The following DOCK2 variants were observed in gnomAD, a reference collection of about 807,000 sequenced individuals.
DOCK2 encodes the protein dedicator of cytokinesis protein 2.
In DOCK2, 87 loss-of-function variants were observed where a neutral mutation model predicts 248.9. The observed-to-expected ratio is 0.35, with a 90% CI of 0.29 to 0.42. DOCK2 has a LOEUF of 0.42. DOCK2 is among the 10% of genes least tolerant of loss of function. DOCK2 has a pLI of 1.00. For missense variants in DOCK2, 1,747 were observed against 2,300.2 expected, an observed-to-expected ratio of 0.76 and a Z score of 4.92; for synonymous variants, 805 against 821.6, an observed-to-expected ratio of 0.98 and a Z score of 0.35.
At chr5:169,744,344 G>A (rs1055476561) in intron 22 of DOCK2, among the ~76,000 whole-genome samples, 1 of 152,172 alleles carries the variant, frequency 6.6e-6, no homozygotes, top group Admixed American at 6.5e-5. Flanking sequence ...TTCCAGTTCA[G>A]TCACATAATA....
At chr5:170,022,526 A>G (rs1360772508) in intron 33 of DOCK2, among the ~76,000 whole-genome samples, 1 of 150,260 alleles carries the variant, frequency 6.7e-6, no homozygotes, top group Admixed American at 6.6e-5. Flanking sequence ...GTCTCTGTCC[A>G]TTGTCTAGGA....
intron 27 of DOCK2, among the ~76,000 whole-genome samples, chr5:169,967,683 AT>A (rs1167647249): frequency 1.3e-5 from 2 of 152,138 alleles, no homozygotes; most frequent in African/African-American, 4.8e-5. Flanking sequence ...AACAGGGAGA[AT>A]TGATTAGAGG....
At chr5:169,923,803 T>C (rs886461412) in intron 27 of DOCK2, among the ~76,000 whole-genome samples, 21 of 152,218 alleles carry the variant, frequency 1.4e-4, no homozygotes, top group African/African-American at 5.1e-4. Flanking sequence ...GTTATTTGCA[T>C]AGATGTTATG....
rs576415986 is a variant in DOCK2 at position 169,837,907 on chromosome 5, A to C, written c.2704-2850A>C. Among the ~76,000 whole-genome samples the C allele has an allele frequency of 2.6e-5, 4 of 152,266 alleles. No individual in the cohort carries two copies. The East Asian group carries it at 7.8e-4, about 30-fold the overall frequency. On this transcript the variant is annotated intron_variant, in intron 26 of 51. Coordinates refer to ENST00000520908, the MANE Select transcript of DOCK2 (RefSeq NM_004946.3). ...AATTGCTGCTCTTTGGAACAAGAAG[A>C]AATGGCTATTTAAAAGAAGCAAGGG... is the stretch of plus-strand genomic sequence containing the variant.
chr5:169,713,528 G>T (rs1761702707), intron 17 of DOCK2, among the ~76,000 whole-genome samples: 1 of 151,848 alleles, frequency 6.6e-6, no homozygotes, highest in Non-Finnish European at 1.5e-5. Flanking sequence ...TAGGGATGAT[G>T]ATTGTCTTCA....
At chr5:169,899,270 T>C (rs1773787606) in intron 27 of DOCK2, among the ~76,000 whole-genome samples, 1 of 152,162 alleles carries the variant, frequency 6.6e-6, no homozygotes, top group South Asian at 2.1e-4. Context: ...GTATGGCTCA[T>C]TAGGAAGAGC....
chr5:169,882,667 T>C, intron 27 of DOCK2: 1 of 1,551,862 alleles, frequency 6.4e-7, no homozygotes, highest in South Asian at 1.2e-5. Flanking sequence ...GCCTTGGAGG[T>C]CGCAGAGTTC....
chr5:170,018,874 CT>C (rs1330069898), intron 32 of DOCK2, 85 bp from the exon 33 acceptor site: 2 of 1,509,954 alleles, frequency 1.3e-6, no homozygotes, highest in African/African-American at 2.8e-5. Context: ...TTATGCTTCC[CT>C]TTTTTTCTTT....
chr5:169,955,245 G>C (rs188607126), intron 27 of DOCK2, among the ~76,000 whole-genome samples: 4 of 152,124 alleles, frequency 2.6e-5, no homozygotes, highest in Non-Finnish European at 2.9e-5. Context: ...GCCCCTGCCC[G>C]GGACCACACA....
intron 27 of DOCK2, among the ~76,000 whole-genome samples, chr5:169,982,353 G>C (rs1430845260): frequency 6.6e-6 from 1 of 152,182 alleles, no homozygotes; most frequent in Non-Finnish European, 1.5e-5. Context: ...AAAAGGCTAT[G>C]CTGATGTCTT....
chr5:170,032,058 G>T (rs1361647801), intron 34 of DOCK2, among the ~76,000 whole-genome samples: 1 of 147,072 alleles, frequency 6.8e-6, no homozygotes, highest in African/African-American at 2.5e-5. Flanking sequence ...ACGGAGTCTC[G>T]CTCTGTCGCC....
intron 27 of DOCK2, among the ~76,000 whole-genome samples, chr5:169,864,047 C>A (rs1357860831): frequency 6.6e-6 from 1 of 152,134 alleles, no homozygotes; most frequent in Non-Finnish European, 1.5e-5. Context: ...AGCGGTCACT[C>A]TAGTGTCCGT....
At chr5:169,901,625 G>A (rs10053333) in intron 27 of DOCK2, among the ~76,000 whole-genome samples, 4,561 of 152,254 alleles carry the variant, frequency 0.03, 227 homozygotes, top group African/African-American at 0.1. Context: ...GTAAGATGAT[G>A]AGAACTGGAT....
chr5:169,845,773 A>G (rs1428086180), intron 27 of DOCK2, among the ~76,000 whole-genome samples: 1 of 152,194 alleles, frequency 6.6e-6, no homozygotes, highest in African/African-American at 2.4e-5. Flanking sequence ...TGTAATTACA[A>G]TGCTAAGAGT....
At position 169,926,083 on chromosome 5, in the gene DOCK2, C is replaced by T. The variant is rs77832713; in HGVS notation, c.2800-56985C>T. Among the ~76,000 whole-genome samples, 11 of 152,288 alleles carry T rather than the reference C, an allele frequency of 7.2e-5. No individual in the cohort carries two copies. In the East Asian group the frequency reaches 1.7e-3, roughly 24 times the overall value. The stretch of plus-strand genomic sequence containing the variant: ...GAGCTGAGCTTAGAAAAGAGAATTT[C>T]TCTCTTAGAGACAAGTGGGATGCTG... On this transcript the variant is annotated intron_variant, in intron 27 of 51. Coordinates refer to ENST00000520908, the MANE Select transcript of DOCK2 (RefSeq NM_004946.3).
chr5:170,016,864 A>G (rs532691132), intron 32 of DOCK2, among the ~76,000 whole-genome samples: 20 of 152,368 alleles, frequency 1.3e-4, no homozygotes, highest in African/African-American at 4.6e-4. Context: ...TCAGAAACCT[A>G]GATTAGCAAT....
chr5:169,853,804 CT>C (rs67124138), intron 27 of DOCK2, among the ~76,000 whole-genome samples: 6 of 56,854 alleles, frequency 1.1e-4, no homozygotes, highest in Non-Finnish European at 1.5e-4. Context: ...GGAAAAACAA[CT>C]TTTTTTTTTT....
At chr5:169,864,145 G>C (rs962125452) in intron 27 of DOCK2, 7 of 824,388 alleles carry the variant, frequency 8.5e-6, no homozygotes, top group Middle Eastern at 3.6e-4. Context: ...AGGCTCTTCT[G>C]TTTCACAGGC....
intron 41 of DOCK2, among the ~76,000 whole-genome samples, chr5:170,051,938 GTGGC>G (rs1173632884): frequency 6.6e-6 from 1 of 152,210 alleles, no homozygotes; most frequent in African/African-American, 2.4e-5. Flanking sequence ...GGGTGTCAGT[GTGGC>G]CAAGCATGGT....
Sources: gnomAD v4.1 joint callset for allele counts (sites outside exome capture counted in the v4.1 genomes callset) on GRCh38, gnomAD v4.1.1 for gene constraint, MANE v1.5 for transcripts, NCBI Gene and HGNC (gene_info 2026-07-23, HGNC 2026-07-21) for gene names.